The following ABHD2 variants were observed in gnomAD, a reference collection of about 807,000 sequenced individuals.
ABHD2 encodes abhydrolase domain containing 2, acylglycerol lipase, also known as monoacylglycerol lipase ABHD2.
A neutral mutation model predicts 48.1 loss-of-function variants in ABHD2; 20 were observed. The ratio of observed to expected loss-of-function variants is 0.42; its 90% confidence interval spans 0.29 to 0.60. The LOEUF is 0.60. Among genes scored for constraint, ABHD2 ranks in the 20% least tolerant of loss-of-function variants. The probability of loss-of-function intolerance (pLI) is 0.24; values close to 1 mark genes in which losing one functional copy is unlikely to be tolerated. For missense variants in ABHD2, 405 were observed against 550.9 expected, an observed-to-expected ratio of 0.74 and a Z score of 2.65; for synonymous variants, 209 against 214.2, an observed-to-expected ratio of 0.98 and a Z score of 0.21.
chr15:89,178,333 C>CT lies in ABHD2; in HGVS notation c.722+2347dup, dbSNP rs113665275. On this transcript the variant is annotated intron_variant, in intron 6 of 10. Coordinates refer to ENST00000352732, the MANE Select transcript of ABHD2 (RefSeq NM_152924.5). ...GTTCCTTACTTTAAACCAGTATAAC[C>CT]TTTTTTTTTCCTGCCAAGGCTTGAG... Among the ~76,000 whole-genome samples the CT allele has an allele frequency of 3.1e-3, 464 of 151,842 alleles. 1 individual carries two copies. The highest frequency in any genetic ancestry group is 0.011 in the African/African-American group (440 of 41,420).
chr15:89,142,892 G>A (rs2050428322), intron 3 of ABHD2, among the ~76,000 whole-genome samples: 1 of 152,086 alleles, frequency 6.6e-6, no homozygotes, highest in Non-Finnish European at 1.5e-5. Flanking sequence ...TGAACCCAGT[G>A]ACATTTTGAA....
chr15:89,198,653 C>T lies in ABHD2; in HGVS notation c.*3230C>T, dbSNP rs2051438235. 6.6e-6 allele frequency: 1 copy of T among 152,234 alleles called. No individual in the cohort carries two copies. Among genetic ancestry groups the T allele is most frequent in the Admixed American group, 6.5e-5 (1 of 15,284 alleles). 9.4% of individuals were successfully genotyped at this position (152,234 alleles called of 1,614,324 possible). A position where few individuals can be genotyped will look rare whatever the true frequency, so the allele number is the denominator to read the frequency against. Reference sequence around the variant, plus strand: ...ACATTGGATCGTGGGCAAATCACCTCACCTCTCTGAGCCTGTTCCCTCCTC... The same window carrying T: ...ACATTGGATCGTGGGCAAATCACCTTACCTCTCTGAGCCTGTTCCCTCCTC... On this transcript the variant is annotated 3_prime_UTR_variant, in exon 11 of 11. Coordinates refer to ENST00000352732, the MANE Select transcript of ABHD2 (RefSeq NM_152924.5). The surrounding 1 kb of genome is among the most constrained non-coding windows in gnomAD (Gnocchi z 5.1).
At position 89,186,522 on chromosome 15, in the gene ABHD2, T is replaced by C. The variant is rs2051213167; in HGVS notation, c.815+1006T>C. 6.6e-6 allele frequency among the ~76,000 whole-genome samples: 1 copy of C among 152,082 alleles called. No individual in the cohort carries two copies. The highest frequency in any genetic ancestry group is 1.5e-5 in the Non-Finnish European group (1 of 68,018). ...TGCCCTTGCTGAGAATACTCTCCCG[T>C]TTCTCTGCTGGTGGGAACTCAGCCC... On this transcript the variant is annotated intron_variant, in intron 7 of 10. Coordinates refer to ENST00000352732, the MANE Select transcript of ABHD2 (RefSeq NM_152924.5). This position sits in a 1 kb window ranked among gnomAD's most constrained non-coding sequence, Gnocchi z 4.3.
chr15:89,085,334 G>A (rs767687188), upstream of ABHD2, among the ~76,000 whole-genome samples: 8 of 150,210 alleles, frequency 5.3e-5, no homozygotes, highest in African/African-American at 1.3e-4. The surrounding 1 kb of genome is among the most constrained non-coding windows in gnomAD (Gnocchi z 4.2). Context: ...CAATCCCAAC[G>A]GGCCACTAAA....
the ABHD2 span, among the ~76,000 whole-genome samples, chr15:89,047,026 G>A: frequency 6.6e-6 from 1 of 151,048 alleles, no homozygotes; most frequent in Non-Finnish European, 1.5e-5. Context: ...TTTCTCTTGT[G>A]GGCATTTAGT....
chr15:89,071,868 A>G, the ABHD2 span, among the ~76,000 whole-genome samples: 1 of 152,238 alleles, frequency 6.6e-6, no homozygotes, highest in Non-Finnish European at 1.5e-5. Context: ...AAACTTGGTC[A>G]TATGACTTTT....
rs1320048470 is a variant in ABHD2, at chr15:89,175,358, G to A, written c.539-454G>A. Among the ~76,000 whole-genome samples, 1 of 152,114 alleles carries A rather than the reference G, an allele frequency of 6.6e-6. No homozygotes were observed. Among genetic ancestry groups the A allele is most frequent in the African/African-American group, 2.4e-5 (1 of 41,424 alleles). ...TCTTGCCTCAGCCTCCTAAGTAGCG[G>A]GGACTACAAGGACACACCTGTAGTG... On this transcript the variant is annotated intron_variant, in intron 5 of 10. Coordinates refer to ENST00000352732, the MANE Select transcript of ABHD2 (RefSeq NM_152924.5). The surrounding 1 kb of genome is among the most constrained non-coding windows in gnomAD (Gnocchi z 5.7).
chr15:89,073,889 A>T, the ABHD2 span, among the ~76,000 whole-genome samples: 1 of 152,156 alleles, frequency 6.6e-6, no homozygotes, highest in Admixed American at 6.5e-5. Context: ...TACTTAGTAG[A>T]TTAGAACTAC....
chr15:89,179,049 T>C lies in ABHD2; in HGVS notation c.722+3054T>C, dbSNP rs2051064135. ...CAGCACTTAAGACAGCAGAGTGATA[T>C]TTACAAAGCCACAAAGCAACAAATA... is the stretch of plus-strand genomic sequence containing the variant. On this transcript the variant is annotated intron_variant, in intron 6 of 10. Transcript: ENST00000352732. This position sits in a 1 kb window ranked among gnomAD's most constrained non-coding sequence, Gnocchi z 4.3. Among the ~76,000 whole-genome samples the C allele has an allele frequency of 2.0e-5, 3 of 152,210 alleles. No homozygotes were observed. Among genetic ancestry groups the C allele is most frequent in the Admixed American group, 1.3e-4 (2 of 15,284 alleles).
chr15:89,196,462 A>G lies in ABHD2; in HGVS notation c.*1039A>G, dbSNP rs2051404569. 1 of 152,190 alleles carries G rather than the reference A, an allele frequency of 6.6e-6. No individual in the cohort carries two copies. The highest frequency in any genetic ancestry group is 1.5e-5 in the Non-Finnish European group (1 of 68,052). 9.4% of individuals were successfully genotyped at this position (152,190 alleles called of 1,614,324 possible). On this transcript the variant is annotated 3_prime_UTR_variant, in exon 11 of 11. Coordinates refer to ENST00000352732, the MANE Select transcript of ABHD2 (RefSeq NM_152924.5). The stretch of plus-strand genomic sequence containing the variant: ...ATTGCTGAGCTCACTACCAGGTTCA[A>G]AGTTCAATGACAAACTCAGTTTACT...
At chr15:89,144,027 TG>T (rs2050451300) in intron 3 of ABHD2, among the ~76,000 whole-genome samples, 1 of 152,192 alleles carries the variant, frequency 6.6e-6, no homozygotes, top group Non-Finnish European at 1.5e-5. Context: ...ATTCCACTTC[TG>T]GGACACAACC....
the ABHD2 span, among the ~76,000 whole-genome samples, chr15:89,077,083 A>T: frequency 6.6e-6 from 1 of 152,194 alleles, no homozygotes; most frequent in East Asian, 1.9e-4. Context: ...AAGTGAACAC[A>T]CCTGTGTAAC....
At chr15:89,149,709 A>G (rs2050559822) in intron 3 of ABHD2, among the ~76,000 whole-genome samples, 1 of 152,110 alleles carries the variant, frequency 6.6e-6, no homozygotes, top group Non-Finnish European at 1.5e-5. Context: ...TTGAGCAAAG[A>G]CTCCTCAGAT....
At chr15:89,132,564 C>T (rs1342497796) in intron 3 of ABHD2, among the ~76,000 whole-genome samples, 1 of 152,076 alleles carries the variant, frequency 6.6e-6, no homozygotes. Context: ...TTTTGCAAGG[C>T]TTGTGAGGAT....
In ABHD2 at chr15:89,136,081, C is replaced by A. The variant is rs149714877; in HGVS notation, c.195-15596C>A. The A allele has an allele frequency of 8.3e-3, 1,675 of 201,492 alleles. 29 individuals are homozygous for A. The highest frequency in any genetic ancestry group is 0.039 in the African/African-American group (1,589 of 40,976). The allele number at this position is 201,492 out of a possible 1,614,324, so 12.5% of individuals were successfully genotyped here. On this transcript the variant is annotated intron_variant, in intron 3 of 10. Coordinates refer to ENST00000352732, the MANE Select transcript of ABHD2 (RefSeq NM_152924.5). The stretch of plus-strand genomic sequence containing the variant: ...AGCTGGGATTACAGACGCCCGCCAC[C>A]ATGCCTGGCAATTTTTTTTTTTTTT...
chr15:89,072,158 G>T, the ABHD2 span, among the ~76,000 whole-genome samples: 1 of 152,134 alleles, frequency 6.6e-6, no homozygotes, highest in African/African-American at 2.4e-5. Flanking sequence ...AGCTGACCTC[G>T]ATGGATATGT....
At chr15:89,042,813 AT>A in the ABHD2 span, among the ~76,000 whole-genome samples, 102 of 147,414 alleles carry the variant, frequency 6.9e-4, no homozygotes, top group African/African-American at 1.6e-3. Flanking sequence ...AGCCTGGCTA[AT>A]TTTTTTTTTC....
chr15:89,079,839 C>G, the ABHD2 span, among the ~76,000 whole-genome samples: 5 of 152,310 alleles, frequency 3.3e-5, no homozygotes, highest in Admixed American at 2.6e-4. This position sits in a 1 kb window ranked among gnomAD's most constrained non-coding sequence, Gnocchi z 4.3. Flanking sequence ...GCCGAGAACA[C>G]GGGCTACCTC....
rs73467740 is a variant in ABHD2 at position 89,108,147 on chromosome 15, G to A, written c.-106-5578G>A. Among the ~76,000 whole-genome samples, 155 of 152,308 alleles carry A rather than the reference G, an allele frequency of 1.0e-3. 1 individual carries two copies. The highest frequency in any genetic ancestry group is 3.5e-3 in the African/African-American group (145 of 41,566). On this transcript the variant is annotated intron_variant, in intron 1 of 10. Coordinates refer to ENST00000352732, the MANE Select transcript of ABHD2 (RefSeq NM_152924.5). ...CCCTTCAGCCACTAAGGACAGGAGC[G>A]TGGAACTCCTGAGTCATGAGAGGTA...
Sources: gnomAD v4.1 joint callset for allele counts (sites outside exome capture counted in the v4.1 genomes callset) on GRCh38, gnomAD v4.1.1 for gene constraint, Gnocchi (gnomAD v3.1) non-coding constraint, MANE v1.5 for transcripts, NCBI Gene and HGNC (gene_info 2026-07-23, HGNC 2026-07-21) for gene names.